The following DNAH3 variants were observed in gnomAD, a reference collection of about 807,000 sequenced individuals.
The protein encoded by DNAH3 is axonemal beta dynein heavy chain 3.
Under a neutral mutation model 432.5 loss-of-function variants are expected in DNAH3, and 332 were observed. That is an observed-to-expected ratio of 0.77 (90% CI 0.70 to 0.84). DNAH3 has a LOEUF of 0.84. DNAH3 is among the 40% of genes least tolerant of loss of function. The pLI is 0.00. For synonymous variants in DNAH3, 1,956 were observed against 1,900.2 expected, an observed-to-expected ratio of 1.03 and a Z score of -0.76; for missense variants, 4,861 against 5,114.0, an observed-to-expected ratio of 0.95 and a Z score of 1.51.
At chr16:21,104,777 T>C (rs1354407890) in intron 15 of DNAH3, among the ~76,000 whole-genome samples, 183 bp from the exon 16 acceptor site, 1 of 152,210 alleles carries the variant, frequency 6.6e-6, no homozygotes, top group Non-Finnish European at 1.5e-5. Flanking sequence ...AGGTAGATGA[T>C]ATTATCATCC....
chr16:20,968,332 G>A (rs1295194863), intron 52 of DNAH3, among the ~76,000 whole-genome samples: 1 of 152,164 alleles, frequency 6.6e-6, no homozygotes, highest in Admixed American at 6.5e-5. Context: ...GCCTCCCAAA[G>A]TGCTGGGATT....
At chr16:20,982,160 G>T (rs1299486998) in intron 49 of DNAH3, among the ~76,000 whole-genome samples, 1 of 152,030 alleles carries the variant, frequency 6.6e-6, no homozygotes, top group African/African-American at 2.4e-5. Flanking sequence ...AAGGCGGGCA[G>T]ATTACGTGAG....
intron 59 of DNAH3, among the ~76,000 whole-genome samples, chr16:20,940,779 T>C (rs1169926918): frequency 1.3e-5 from 2 of 152,044 alleles, no homozygotes; most frequent in African/African-American, 4.8e-5. Flanking sequence ...TAGAACCGTA[T>C]CTGTCCCTAA....
intron 36 of DNAH3, among the ~76,000 whole-genome samples, chr16:21,031,689 T>C (rs1270525347): frequency 6.6e-6 from 1 of 152,160 alleles, no homozygotes; most frequent in African/African-American, 2.4e-5. Flanking sequence ...CTCACCATAC[T>C]TTCTTCCAAT....
At chr16:21,045,721 C>T (rs1468747517) in intron 31 of DNAH3, among the ~76,000 whole-genome samples, 5 of 151,536 alleles carry the variant, frequency 3.3e-5, no homozygotes, top group African/African-American at 2.4e-5. Context: ...TGCTAGCTTT[C>T]GAATGTGTTT....
chr16:21,042,292 A>G, intron 31 of DNAH3, 89 bp from the exon 32 acceptor site: 8 of 1,390,386 alleles, frequency 5.8e-6, no homozygotes, highest in Non-Finnish European at 7.7e-6. Flanking sequence ...TAGCAAAGAA[A>G]GAACCCAATC....
At chr16:21,080,730 A>G (rs11865952) in intron 20 of DNAH3, among the ~76,000 whole-genome samples, 66,943 of 151,868 alleles carry the variant, frequency 0.44, 14,715 homozygotes, top group East Asian at 0.48. Flanking sequence ...TGCCACACTC[A>G]CCTAACAGGG....
chr16:21,042,149 T>C (rs1384422769), exon 32 of DNAH3: 2 of 1,612,944 alleles, frequency 1.2e-6, no homozygotes, highest in African/African-American at 2.7e-5. Flanking sequence ...AGCTTCCGAA[T>C]GATGGCTTGT....
chr16:21,027,893 G>A (rs1300838765), intron 37 of DNAH3, among the ~76,000 whole-genome samples: 2 of 152,152 alleles, frequency 1.3e-5, no homozygotes, highest in African/African-American at 4.8e-5. Flanking sequence ...ATTTTTATTT[G>A]CTCAATTCTT....
chr16:20,987,111 A>G (rs2086234940), intron 47 of DNAH3, among the ~76,000 whole-genome samples, 194 bp downstream of exon 47: 1 of 152,220 alleles, frequency 6.6e-6, no homozygotes, highest in African/African-American at 2.4e-5. Flanking sequence ...TATATGTTAC[A>G]ACAGAAGGGA....
At chr16:21,034,128 C>T (rs780921468) in intron 35 of DNAH3, 43 bp from the exon 36 acceptor site, 30 of 1,322,658 alleles carry the variant, frequency 2.3e-5, no homozygotes, top group South Asian at 4.8e-5. Context: ...ATCATTGCAA[C>T]GCTCCCCCAT....
exon 29 of DNAH3, chr16:21,051,827 C>A: frequency 6.2e-7 from 1 of 1,614,102 alleles, no homozygotes; most frequent in South Asian, 1.1e-5. Flanking sequence ...TCATTCAGAT[C>A]GGAGACCCTG....
intron 34 of DNAH3, among the ~76,000 whole-genome samples, 169 bp downstream of exon 34, chr16:21,037,592 G>A (rs1567678554): frequency 6.6e-6 from 1 of 152,172 alleles, no homozygotes; most frequent in African/African-American, 2.4e-5. Context: ...AGAGATGTTT[G>A]CTATCTATCA....
At chr16:21,131,506 AAG>A (rs796854968) in intron 7 of DNAH3, among the ~76,000 whole-genome samples, 1,507 of 130,208 alleles carry the variant, frequency 0.012, 41 homozygotes, top group African/African-American at 0.042. Context: ...GATGAGAGAG[AAG>A]GAAGGAAGGA....
chr16:20,985,123 T>G, exon 48 of DNAH3: 2 of 1,614,206 alleles, frequency 1.2e-6, no homozygotes, highest in Non-Finnish European at 1.7e-6. Flanking sequence ...GACTTCAACC[T>G]TCTCTCCTTG....
At position 21,049,935 on chromosome 16, in the gene DNAH3, T is replaced by C. The variant is rs755218395; in HGVS notation, c.4322A>G (p.Asp1441Gly). ...CTGCTTAGCCAAGGCTTTGGCCAAA[T>C]CTTTGGTGGTTTCTGTCTTGCCAGT... Residue 1441 changes from aspartate (D) to glycine (G), a missense_variant, in exon 30 of 62, where the codon GAT (aspartate) becomes GGT (glycine). Physicochemically the swap from Asp to Gly is moderately conservative, Grantham distance 94. Transcript: ENST00000261383. 2.5e-6 allele frequency: 4 copies of C among 1,614,004 alleles called. No homozygotes were observed. The East Asian group carries it at 6.7e-5, about 27-fold the overall frequency.
Position 21,089,219 on chromosome 16 carries a change from T to C in DNAH3, c.2666-2159A>G, listed in dbSNP as rs540381674. On this transcript the variant is annotated intron_variant, in intron 18 of 61. Transcript: ENST00000261383. The stretch of plus-strand genomic sequence containing the variant: ...AGTTAATGAGAATGCTGCTTTGTCC[T>C]GGAACCATACCTTGAAAGCCACTGC... 2.0e-5 allele frequency among the ~76,000 whole-genome samples: 3 copies of C among 152,334 alleles called. No individual in the cohort carries two copies. In the South Asian group the frequency reaches 6.2e-4, roughly 32 times the overall value.
chr16:21,077,021 C>G (rs1035599433), intron 20 of DNAH3, among the ~76,000 whole-genome samples: 1 of 152,134 alleles, frequency 6.6e-6, no homozygotes, highest in Non-Finnish European at 1.5e-5. Context: ...GTCATGACAA[C>G]CAAAAATGTC....
At chr16:20,998,764 G>T (rs1465210139) in intron 43 of DNAH3, among the ~76,000 whole-genome samples, 5 of 119,530 alleles carry the variant, frequency 4.2e-5, no homozygotes, top group African/African-American at 6.0e-5. Flanking sequence ...AAAAAAAAAA[G>T]GGGGGGGCTC....
Sources: gnomAD v4.1 joint callset for allele counts (sites outside exome capture counted in the v4.1 genomes callset) on GRCh38, gnomAD v4.1.1 for gene constraint, MANE v1.5 for transcripts, NCBI Gene and HGNC (gene_info 2026-07-23, HGNC 2026-07-21) for gene names.